PTPRD: variants seen among roughly 807,000 people sequenced by gnomAD.
PTPRD encodes the protein receptor-type tyrosine-protein phosphatase delta.
PTPRD carries 34 observed loss-of-function variants against 214.5 expected under a neutral mutation model. The observed-to-expected ratio is 0.16, with a 90% CI of 0.12 to 0.21. The LOEUF is 0.21. Among genes scored for constraint, PTPRD ranks in the 10% least tolerant of loss-of-function variants. The pLI is 1.00. For synonymous variants in PTPRD, 1,128 were observed against 845.7 expected, an observed-to-expected ratio of 1.33 and a Z score of -5.79; for missense variants, 2,545 against 2,398.7, an observed-to-expected ratio of 1.06 and a Z score of -1.27.
At chr9:8,644,128 G>A (rs1040227737) in intron 12 of PTPRD, among the ~76,000 whole-genome samples, 6 of 152,316 alleles carry the variant, frequency 3.9e-5, no homozygotes, top group Admixed American at 2.6e-4. Flanking sequence ...TCTGTTGTTA[G>A]CTGAACACCT....
At position 10,027,244 on chromosome 9, in the gene PTPRD, T is replaced by C. The variant is rs183754973; in HGVS notation, c.-472+6474A>G. Among the ~76,000 whole-genome samples the C allele has an allele frequency of 5.9e-5, 9 of 152,282 alleles. No homozygotes were observed. In the East Asian group the frequency reaches 1.3e-3, roughly 23 times the overall value. On this transcript the variant is annotated intron_variant, in intron 4 of 45. Coordinates refer to ENST00000381196, the MANE Select transcript of PTPRD (RefSeq NM_002839.4). ...TAACCAAAATTTCTTCTTCCAGTAA[T>C]TAAAATATATGTTTAGTGAATAAAT...
At chr9:10,528,253 G>C (rs1007683988) in intron 2 of PTPRD, among the ~76,000 whole-genome samples, 1 of 152,162 alleles carries the variant, frequency 6.6e-6, no homozygotes, top group South Asian at 2.1e-4. Flanking sequence ...TCCTGAGTCT[G>C]ATTCCAAGTT....
rs1245011113 is a variant in PTPRD at position 9,058,371 on chromosome 9, C to A, written c.-142-39636G>T. Among the ~76,000 whole-genome samples, 4 of 150,712 alleles carry A rather than the reference C, an allele frequency of 2.7e-5. No homozygotes were observed. The South Asian group carries it at 6.3e-4, about 24-fold the overall frequency. ...TTGGATTGGACTGGACTGGCTAAAT[C>A]CCCTGAAGAGCTGGCTTAGAAGATA... On this transcript the variant is annotated intron_variant, in intron 10 of 45. Coordinates refer to ENST00000381196, the MANE Select transcript of PTPRD (RefSeq NM_002839.4).
At chr9:8,520,608 G>GA (rs888724276) in intron 20 of PTPRD, among the ~76,000 whole-genome samples, 22 of 148,370 alleles carry the variant, frequency 1.5e-4, no homozygotes, top group South Asian at 6.4e-4. Flanking sequence ...AACACTAGGG[G>GA]AAAAAAAAAC....
chr9:9,859,614 A>G (rs1230569419), intron 5 of PTPRD, among the ~76,000 whole-genome samples: 1 of 152,226 alleles, frequency 6.6e-6, no homozygotes. Flanking sequence ...ATTCTAGCTC[A>G]TAGGAAAGTA....
At chr9:9,599,522 T>C (rs1187655208) in intron 7 of PTPRD, among the ~76,000 whole-genome samples, 1 of 152,102 alleles carries the variant, frequency 6.6e-6, no homozygotes, top group Non-Finnish European at 1.5e-5. Context: ...TCTGGAACTT[T>C]TTACCTTGGC....
chr9:8,796,251 T>G (rs1052435988), intron 11 of PTPRD, among the ~76,000 whole-genome samples: 2 of 152,206 alleles, frequency 1.3e-5, no homozygotes, highest in Non-Finnish European at 2.9e-5. Context: ...TAAGTAAATT[T>G]TAATTATACT....
chr9:9,720,811 C>CAA (rs112359063), intron 7 of PTPRD, among the ~76,000 whole-genome samples: 19 of 151,554 alleles, frequency 1.3e-4, no homozygotes, highest in South Asian at 6.3e-4. Flanking sequence ...ACTATGCAAC[C>CAA]AAAAAAAAGA....
chr9:9,969,443 T>C lies in PTPRD; in HGVS notation c.-471-30833A>G, dbSNP rs377260052. Among the ~76,000 whole-genome samples, 44 of 152,302 alleles carry C rather than the reference T, an allele frequency of 2.9e-4. 1 individual carries two copies. Among genetic ancestry groups the C allele is most frequent in the Non-Finnish European group, 5.6e-4 (38 of 68,028 alleles). On this transcript the variant is annotated intron_variant, in intron 4 of 45. Transcript: ENST00000381196. ...GTACTGTAGTCAAATGTGACAGGAA[T>C]TGATTTCATATTAAAAATCTCAGGT...
chr9:8,771,180 C>CA (rs35840345), intron 11 of PTPRD, among the ~76,000 whole-genome samples: 2,720 of 141,052 alleles, frequency 0.019, 132 homozygotes, highest in African/African-American at 0.065. Flanking sequence ...GATTCCGTCT[C>CA]AAAAAAAAAA....
intron 5 of PTPRD, among the ~76,000 whole-genome samples, chr9:9,936,935 T>C: frequency 6.8e-6 from 1 of 147,066 alleles, no homozygotes. Context: ...GGGACATGGA[T>C]GTAATTGGAA....
chr9:9,025,156 C>T (rs1444718662), intron 10 of PTPRD, among the ~76,000 whole-genome samples: 3 of 151,834 alleles, frequency 2.0e-5, no homozygotes, highest in Non-Finnish European at 4.4e-5. Flanking sequence ...TTTTTCATTG[C>T]TTTATTATTT....
At chr9:10,207,198 C>T (rs1006667021) in intron 3 of PTPRD, among the ~76,000 whole-genome samples, 2 of 152,106 alleles carry the variant, frequency 1.3e-5, no homozygotes, top group African/African-American at 2.4e-5. Flanking sequence ...AGAAATTACA[C>T]ATCTAATTTT....
intron 3 of PTPRD, among the ~76,000 whole-genome samples, chr9:10,303,664 A>G (rs1011148446): frequency 2.0e-5 from 3 of 152,134 alleles, no homozygotes; most frequent in Non-Finnish European, 4.4e-5. Context: ...AAAATCTAGA[A>G]GAAATGGATA....
chr9:9,919,854 C>T (rs2082052087), intron 5 of PTPRD, among the ~76,000 whole-genome samples: 1 of 152,132 alleles, frequency 6.6e-6, no homozygotes, highest in South Asian at 2.1e-4. Context: ...TCTTACTAAG[C>T]TGCTGCCAGG....
At chr9:9,327,947 GA>G (rs1443892539) in intron 9 of PTPRD, among the ~76,000 whole-genome samples, 4 of 151,022 alleles carry the variant, frequency 2.6e-5, no homozygotes, top group Admixed American at 1.3e-4. Context: ...AATATTTTAA[GA>G]AAGTTTACAA....
intron 10 of PTPRD, among the ~76,000 whole-genome samples, chr9:9,100,291 T>C (rs2099789498): frequency 6.6e-6 from 1 of 152,130 alleles, no homozygotes; most frequent in African/African-American, 2.4e-5. Flanking sequence ...CTCCCAAATA[T>C]GCCTGCAACC....
intron 5 of PTPRD, among the ~76,000 whole-genome samples, chr9:9,793,662 G>A (rs942138361): frequency 1.3e-5 from 2 of 151,610 alleles, no homozygotes; most frequent in African/African-American, 4.8e-5. Flanking sequence ...TTTTTATTCA[G>A]TATTTTCAAA....
chr9:9,734,216 C>A (rs763195054), intron 7 of PTPRD, among the ~76,000 whole-genome samples: 3 of 151,996 alleles, frequency 2.0e-5, no homozygotes, highest in Non-Finnish European at 2.9e-5. Context: ...CACATTTTAC[C>A]GCATAATCCT....
Sources: gnomAD v4.1 joint callset for allele counts (sites outside exome capture counted in the v4.1 genomes callset) on GRCh38, gnomAD v4.1.1 for gene constraint, MANE v1.5 for transcripts, NCBI Gene and HGNC (gene_info 2026-07-23, HGNC 2026-07-21) for gene names.